CELF2: variants seen among roughly 807,000 people sequenced by gnomAD.
CELF2 encodes CUG triplet repeat RNA-binding protein 2.
CELF2 carries 8 observed loss-of-function variants against 62.6 expected under a neutral mutation model. That is an observed-to-expected ratio of 0.13 (90% CI 0.07 to 0.23). The LOEUF (loss-of-function observed/expected upper bound fraction) is 0.23, where lower values mean the gene tolerates loss of function less well. CELF2 is among the 10% of genes least tolerant of loss of function. CELF2 has a pLI of 1.00. For synonymous variants in CELF2, 258 were observed against 250.0 expected (o/e 1.03, Z -0.30); for missense variants, 333 against 671.0 (o/e 0.50, Z 5.56).
chr10:10,690,667 G>A, the CELF2 span, among the ~76,000 whole-genome samples: 8 of 152,190 alleles, frequency 5.3e-5, no homozygotes, highest in African/African-American at 1.9e-4. Flanking sequence ...ATCACTTGAG[G>A]TCAGGGGTTC....
chr10:10,783,520 G>C, the CELF2 span, among the ~76,000 whole-genome samples: 636 of 152,296 alleles, frequency 4.2e-3, 5 homozygotes, highest in African/African-American at 0.014. Context: ...GCCTCCAGAA[G>C]TATGAGACAA....
intron 1 of CELF2, among the ~76,000 whole-genome samples, chr10:10,827,113 GT>G (rs2057458015): frequency 1.3e-5 from 2 of 152,074 alleles, no homozygotes; most frequent in Non-Finnish European, 2.9e-5. Flanking sequence ...TTGTTTGTTT[GT>G]TTGTTTGTTT....
chr10:11,264,723 T>C (rs1234604762), intron 5 of CELF2, among the ~76,000 whole-genome samples: 2 of 152,218 alleles, frequency 1.3e-5, no homozygotes, highest in Non-Finnish European at 2.9e-5. Flanking sequence ...TGTCCCACAC[T>C]TACATCATCT....
the CELF2 span, among the ~76,000 whole-genome samples, chr10:10,713,100 C>T: frequency 6.9e-4 from 105 of 152,266 alleles, no homozygotes; most frequent in African/African-American, 2.5e-3. Context: ...ATTAGAAAAC[C>T]TTTGCCTACT....
intron 1 of CELF2, among the ~76,000 whole-genome samples, chr10:10,913,344 G>T (rs1332398716): frequency 7.7e-6 from 1 of 129,376 alleles, no homozygotes. Context: ...AAAATTAACT[G>T]TCCTGAATTA....
At chr10:10,740,472 T>G in the CELF2 span, among the ~76,000 whole-genome samples, 1 of 152,116 alleles carries the variant, frequency 6.6e-6, no homozygotes. Flanking sequence ...TGTAAATTGG[T>G]GTAGCCATTA....
intron 2 of CELF2, among the ~76,000 whole-genome samples, chr10:10,998,890 C>A (rs1412994668): frequency 6.6e-6 from 1 of 152,182 alleles, no homozygotes; most frequent in African/African-American, 2.4e-5. Context: ...CCCATCTCAT[C>A]TTCAATGCCC....
At chr10:10,505,686 T>A in the CELF2 span, among the ~76,000 whole-genome samples, 4 of 152,202 alleles carry the variant, frequency 2.6e-5, no homozygotes, top group Admixed American at 2.6e-4. Flanking sequence ...CAGCCTCTGC[T>A]ACTATGAGTA....
rs769792999 is a variant in CELF2, at chr10:11,319,044, GCT to G, written c.1097-2142_1097-2141del. 1 of 470,864 alleles carries G rather than the reference GCT, an allele frequency of 2.1e-6. No homozygotes were observed. The allele number at this position is 470,864 out of a possible 1,614,324, so 29.2% of individuals were successfully genotyped here. A position where few individuals can be genotyped will look rare whatever the true frequency, so the allele number is the denominator to read the frequency against. On this transcript the variant is annotated intron_variant, in intron 10 of 12. Transcript: ENST00000633077. The surrounding 1 kb of genome is among the most constrained non-coding windows in gnomAD (Gnocchi z 4.4). ...TCGTCTGGCAGCAAGGCCCCACATG[GCT>G]CTGCAGGCTGCGAGGCACACCCAGA...
At chr10:10,975,765 G>A (rs1002328608) in intron 2 of CELF2, among the ~76,000 whole-genome samples, 8 of 152,226 alleles carry the variant, frequency 5.3e-5, no homozygotes, top group South Asian at 2.1e-4. Context: ...TAACCCAGGC[G>A]GGTTCTTGGC....
At chr10:10,850,080 C>T (rs928901275) in intron 1 of CELF2, among the ~76,000 whole-genome samples, 11 of 152,116 alleles carry the variant, frequency 7.2e-5, no homozygotes, top group Admixed American at 2.6e-4. Context: ...ACCTGGGAGG[C>T]GGAGATTGCA....
intron 2 of CELF2, among the ~76,000 whole-genome samples, chr10:11,184,348 T>C (rs2074279301): frequency 6.6e-6 from 1 of 152,244 alleles, no homozygotes; most frequent in South Asian, 2.1e-4. Flanking sequence ...TCCAACTTCG[T>C]TCCTCATTTT....
intron 2 of CELF2, among the ~76,000 whole-genome samples, chr10:11,184,273 C>G (rs117073693): frequency 0.03 from 4,643 of 152,310 alleles, 110 homozygotes; most frequent in Middle Eastern, 0.075. Context: ...GTCTTTGCAT[C>G]AGTATTACAT....
chr10:10,558,298 G>A, the CELF2 span, among the ~76,000 whole-genome samples: 3 of 151,838 alleles, frequency 2.0e-5, no homozygotes, highest in Non-Finnish European at 2.9e-5. Context: ...ATAATCATGT[G>A]TTTTTTGTCT....
chr10:10,645,077 G>C, the CELF2 span, among the ~76,000 whole-genome samples: 1 of 152,268 alleles, frequency 6.6e-6, no homozygotes, highest in East Asian at 1.9e-4. Context: ...GGGGATACTG[G>C]CCTCTTTTGA....
chr10:11,004,420 C>CGT (rs1383145353), upstream of CELF2, among the ~76,000 whole-genome samples: 43 of 143,626 alleles, frequency 3.0e-4, no homozygotes, highest in African/African-American at 1.2e-3. The surrounding 1 kb of genome is among the most constrained non-coding windows in gnomAD (Gnocchi z 5.0). Flanking sequence ...TGTGTGCGCG[C>CGT]GCGTGTGTGT....
At chr10:11,126,975 C>G (rs1225870718) in intron 1 of CELF2, among the ~76,000 whole-genome samples, 2 of 151,700 alleles carry the variant, frequency 1.3e-5, no homozygotes, top group Non-Finnish European at 2.9e-5. Flanking sequence ...TATAGATGTG[C>G]CATGTTCGTT....
At chr10:11,212,235 G>A (rs867181741) in intron 2 of CELF2, among the ~76,000 whole-genome samples, 17 of 152,182 alleles carry the variant, frequency 1.1e-4, no homozygotes, top group African/African-American at 3.6e-4. Flanking sequence ...CAGGGTGACA[G>A]CTGGGAAATG....
At chr10:10,655,289 A>G in the CELF2 span, among the ~76,000 whole-genome samples, 1 of 137,524 alleles carries the variant, frequency 7.3e-6, no homozygotes, top group Admixed American at 7.5e-5. Flanking sequence ...GAAAATGGCC[A>G]TACTGCCCAA....
Sources: gnomAD v4.1 joint callset for allele counts (sites outside exome capture counted in the v4.1 genomes callset) on GRCh38, gnomAD v4.1.1 for gene constraint, Gnocchi (gnomAD v3.1) non-coding constraint, MANE v1.5 for transcripts, NCBI Gene and HGNC (gene_info 2026-07-23, HGNC 2026-07-21) for gene names.